Variants in MAP4K3 observed in about 807,000 individuals in gnomAD.
MAP4K3 encodes MAPK/ERK kinase kinase kinase 3.
MAP4K3 carries 94 observed loss-of-function variants against 143.5 expected under a neutral mutation model. The ratio of observed to expected loss-of-function variants is 0.65; its 90% confidence interval spans 0.55 to 0.78. The LOEUF is 0.78. Ranked by LOEUF, MAP4K3 falls within the 30% of genes least tolerant of loss-of-function variation. MAP4K3 has a pLI of 0.00. For missense variants in MAP4K3, 1,077 were observed against 1,068.1 expected (o/e 1.01, Z -0.12); for synonymous variants, 416 against 347.2 (o/e 1.20, Z -2.20).
chr2:39,362,252 G>A (rs1003752348), intron 2 of MAP4K3, among the ~76,000 whole-genome samples: 12 of 151,908 alleles, frequency 7.9e-5, no homozygotes, highest in African/African-American at 2.4e-4. Context: ...CCAGAAACAA[G>A]AAAAAGAAAT....
rs552373306 is a variant in MAP4K3 at position 39,338,223 on chromosome 2, A to G, written c.311-642T>C. Among the ~76,000 whole-genome samples, 13 of 152,320 alleles carry G rather than the reference A, an allele frequency of 8.5e-5. No individual in the cohort carries two copies. The South Asian group carries it at 2.3e-3, about 27-fold the overall frequency. On this transcript the variant is annotated intron_variant, in intron 4 of 33. Coordinates refer to ENST00000263881, the MANE Select transcript of MAP4K3 (RefSeq NM_003618.4). ...ATATTCTCATTTTTATATCTCATTCATCAATATCATCTCTTAAACATCAAA... is the reference window on the plus strand; with the variant it reads ...ATATTCTCATTTTTATATCTCATTCGTCAATATCATCTCTTAAACATCAAA...
chr2:39,251,980 C>T (rs183301139), intron 32 of MAP4K3, 95 bp from the exon 33 acceptor site: 13 of 828,334 alleles, frequency 1.6e-5, no homozygotes, highest in Non-Finnish European at 2.6e-5. Context: ...GAAACATGAT[C>T]GCTAAAAATG....
At chr2:39,432,454 A>C (rs1429343531) in intron 1 of MAP4K3, among the ~76,000 whole-genome samples, 6 of 152,226 alleles carry the variant, frequency 3.9e-5, no homozygotes, top group African/African-American at 1.4e-4. Context: ...ATCTTTCTGA[A>C]GTTTAGGGCC....
At chr2:39,408,621 A>C (rs78167306) in intron 1 of MAP4K3, among the ~76,000 whole-genome samples, 5,823 of 147,744 alleles carry the variant, frequency 0.039, 144 homozygotes, top group South Asian at 0.055. Flanking sequence ...GAAATCATGA[A>C]AGAGATTGCA....
chr2:39,413,518 C>T (rs1667287063), intron 1 of MAP4K3, among the ~76,000 whole-genome samples: 1 of 152,058 alleles, frequency 6.6e-6, no homozygotes, highest in Admixed American at 6.6e-5. Context: ...AAACCAAAGA[C>T]AGCCAAAAAT....
rs1256993928 is a variant in MAP4K3, at chr2:39,249,284, T to TA, written c.*1333dup. 1 of 152,728 alleles carries TA rather than the reference T, an allele frequency of 6.5e-6. No individual in the cohort carries two copies. Among genetic ancestry groups the TA allele is most frequent in the East Asian group, 1.9e-4 (1 of 5,194 alleles). 9.5% of individuals were successfully genotyped at this position (152,728 alleles called of 1,614,324 possible). ...GACAAGCTACTATACAACAGCATGT[T>TA]AAAAAACATGTTTATTTTACAATAT... On this transcript the variant is annotated 3_prime_UTR_variant, in exon 34 of 34. Coordinates refer to ENST00000263881, the MANE Select transcript of MAP4K3 (RefSeq NM_003618.4).
At chr2:39,369,018 C>T (rs1666001095) in intron 2 of MAP4K3, among the ~76,000 whole-genome samples, 1 of 152,066 alleles carries the variant, frequency 6.6e-6, no homozygotes, top group Non-Finnish European at 1.5e-5. Flanking sequence ...TCCCTCTGCA[C>T]ATAACTCAAG....
chr2:39,394,795 C>T (rs990554438), intron 1 of MAP4K3, among the ~76,000 whole-genome samples: 7 of 152,074 alleles, frequency 4.6e-5, no homozygotes, highest in African/African-American at 9.7e-5. Flanking sequence ...AACAGAAAAA[C>T]GCCTGGCAGC....
chr2:39,401,620 C>T (rs1262142833), intron 1 of MAP4K3, among the ~76,000 whole-genome samples: 5 of 151,812 alleles, frequency 3.3e-5, no homozygotes, highest in Admixed American at 3.3e-4. Flanking sequence ...GGTGACACGG[C>T]GAAACCCATC....
rs200840688 is a variant in MAP4K3 at position 39,288,100 on chromosome 2, G to C, written c.1474+21C>G. ...AGTATGAAAACCTGGTAACATATTT[G>C]CTGTCACCCTCCACCATTACCTAAG... On this transcript the variant is annotated intron_variant, in intron 20 of 33. Transcript: ENST00000263881. The C allele has an allele frequency of 1.9e-5, 30 of 1,612,238 alleles. No individual in the cohort carries two copies. The East Asian group carries it at 3.1e-4, about 17-fold the overall frequency.
intron 27 of MAP4K3, 61 bp downstream of exon 27, chr2:39,267,128 T>C (rs983843221): frequency 2.0e-6 from 3 of 1,520,482 alleles, no homozygotes; most frequent in African/African-American, 1.4e-5. Context: ...GGTAGTACTG[T>C]TTTATGCCAG....
chr2:39,309,444 A>G lies in MAP4K3; in HGVS notation c.1056+17T>C. 1 of 1,554,658 alleles carries G rather than the reference A, an allele frequency of 6.4e-7. No homozygotes were observed. On this transcript the variant is annotated intron_variant, in intron 14 of 33. Coordinates refer to ENST00000263881, the MANE Select transcript of MAP4K3 (RefSeq NM_003618.4). ...CATTTATTTTCAGTGCTAACATTCT[A>G]AGGCTATACTACTTACAAGTTCATG...
chr2:39,373,833 T>C (rs1274856762), intron 2 of MAP4K3, among the ~76,000 whole-genome samples: 2 of 152,146 alleles, frequency 1.3e-5, no homozygotes, highest in Non-Finnish European at 2.9e-5. Context: ...GATTTGGAGA[T>C]GGTTAATTGG....
At chr2:39,347,543 G>A (rs887858915) in intron 3 of MAP4K3, among the ~76,000 whole-genome samples, 3 of 152,092 alleles carry the variant, frequency 2.0e-5, no homozygotes, top group Non-Finnish European at 4.4e-5. Context: ...CACAATAAAT[G>A]TAAGTTGTTT....
At chr2:39,397,854 T>C (rs1558687079) in intron 1 of MAP4K3, among the ~76,000 whole-genome samples, 1 of 152,034 alleles carries the variant, frequency 6.6e-6, no homozygotes, top group Non-Finnish European at 1.5e-5. Context: ...GACAAGTATG[T>C]GAAAAAGAAA....
At chr2:39,422,890 C>T (rs921420683) in intron 1 of MAP4K3, among the ~76,000 whole-genome samples, 6 of 151,930 alleles carry the variant, frequency 3.9e-5, no homozygotes, top group African/African-American at 1.5e-4. Flanking sequence ...AGATACAACA[C>T]CAAAGGCATG....
At chr2:39,273,477 T>G (rs543810084) in intron 24 of MAP4K3, among the ~76,000 whole-genome samples, 1 of 152,258 alleles carries the variant, frequency 6.6e-6, no homozygotes, top group East Asian at 1.9e-4. Flanking sequence ...GCTCTGGCAA[T>G]TCCTACAACT....
intron 3 of MAP4K3, among the ~76,000 whole-genome samples, chr2:39,355,990 A>G (rs1303166159): frequency 6.6e-6 from 1 of 152,234 alleles, no homozygotes; most frequent in Non-Finnish European, 1.5e-5. Flanking sequence ...CTAGTCCACC[A>G]CTGGAAGACT....
At chr2:39,369,948 C>T (rs750557449) in intron 2 of MAP4K3, among the ~76,000 whole-genome samples, 1 of 152,182 alleles carries the variant, frequency 6.6e-6, no homozygotes, top group Non-Finnish European at 1.5e-5. Context: ...ATGGGTTCTC[C>T]GTAGTTAGGC....
Sources: gnomAD v4.1 joint callset for allele counts (sites outside exome capture counted in the v4.1 genomes callset) on GRCh38, gnomAD v4.1.1 for gene constraint, MANE v1.5 for transcripts, NCBI Gene and HGNC (gene_info 2026-07-23, HGNC 2026-07-21) for gene names.